The following TRAPPC11 variants were observed in gnomAD, a reference collection of about 807,000 sequenced individuals.
TRAPPC11 encodes trafficking protein particle complex subunit 11, also known as foie gras homolog.
A neutral mutation model predicts 151.2 loss-of-function variants in TRAPPC11; 104 were observed. That is an observed-to-expected ratio of 0.69 (90% CI 0.59 to 0.81). The LOEUF is 0.81. TRAPPC11 is among the 30% of genes least tolerant of loss of function. The probability of loss-of-function intolerance (pLI) is 0.00; values close to 1 mark genes in which losing one functional copy is unlikely to be tolerated. For missense variants in TRAPPC11, 1,230 were observed against 1,349.6 expected (o/e 0.91, Z 1.39); for synonymous variants, 456 against 472.3 (o/e 0.97, Z 0.45).
chr4:183,672,050 C>A (rs996124173), intron 5 of TRAPPC11, among the ~76,000 whole-genome samples: 2 of 152,150 alleles, frequency 1.3e-5, no homozygotes, highest in Non-Finnish European at 2.9e-5. Flanking sequence ...AGGTTCCTAC[C>A]TTCATAAAGA....
chr4:183,683,376 A>G (rs1313935009), intron 11 of TRAPPC11, among the ~76,000 whole-genome samples: 1 of 152,098 alleles, frequency 6.6e-6, no homozygotes, highest in Admixed American at 6.6e-5. Context: ...CTGTTAAATT[A>G]CTGGCTAGGC....
chr4:183,687,361 A>G (rs534251050), intron 18 of TRAPPC11, among the ~76,000 whole-genome samples: 93 of 151,554 alleles, frequency 6.1e-4, no homozygotes, highest in Non-Finnish European at 9.7e-4. Flanking sequence ...CTTTTTTGAG[A>G]CGGGGTCTCG....
intron 29 of TRAPPC11, among the ~76,000 whole-genome samples, chr4:183,710,313 G>A (rs897905255): frequency 2.7e-5 from 4 of 150,376 alleles, no homozygotes; most frequent in Non-Finnish European, 4.4e-5. Context: ...TTGAGACAGC[G>A]TCTTGCTCTG....
intron 18 of TRAPPC11, among the ~76,000 whole-genome samples, chr4:183,688,747 GTGTT>G (rs977787402): frequency 6.6e-6 from 1 of 152,042 alleles, no homozygotes; most frequent in Non-Finnish European, 1.5e-5. Flanking sequence ...GTGTGTGTGT[GTGTT>G]TGTGTGTGTT....
chr4:183,677,026 A>G (rs1735449101), intron 7 of TRAPPC11, among the ~76,000 whole-genome samples: 1 of 152,120 alleles, frequency 6.6e-6, no homozygotes, highest in Admixed American at 6.5e-5. Context: ...CAGCCTCTCA[A>G]AGTGCTGGGA....
At chr4:183,685,723 T>C (rs951740906) in intron 17 of TRAPPC11, among the ~76,000 whole-genome samples, 1 of 152,224 alleles carries the variant, frequency 6.6e-6, no homozygotes, top group African/African-American at 2.4e-5. Flanking sequence ...TTCTTTTTCA[T>C]TTAAAATCTT....
rs200994191 is a variant in TRAPPC11, at chr4:183,672,366, C to CA, written c.561-2339dup. ...GGTTGGATTTTTTTTTATTGTAGAA[C>CA]AAAAAAAACTGAAGGTCTCTTTCCT... On this transcript the variant is annotated intron_variant, in intron 5 of 29. Transcript: ENST00000334690. 4.8e-3 allele frequency among the ~76,000 whole-genome samples: 725 copies of CA among 151,420 alleles called. 5 individuals are homozygous for CA. The highest frequency in any genetic ancestry group is 0.016 in the African/African-American group (677 of 41,276).
chr4:183,701,856 T>A lies in TRAPPC11; in HGVS notation c.2963+48T>A, dbSNP rs557348495. 7.5e-6 allele frequency: 9 copies of A among 1,197,756 alleles called. No homozygotes were observed. The South Asian group carries it at 1.1e-4, about 15-fold the overall frequency. The allele number at this position is 1,197,756 out of a possible 1,614,324, so 74.2% of individuals were successfully genotyped here. A position where few individuals can be genotyped will look rare whatever the true frequency, so the allele number is the denominator to read the frequency against. On this transcript the variant is annotated intron_variant, in intron 26 of 29. Transcript: ENST00000334690. ...CTTTTCTTCAATGTCTCTGTTATTC[T>A]CATACCTTTATTATTCATCTTTGTC...
Position 183,697,736 on chromosome 4 carries a change from T to A in TRAPPC11, c.2752T>A (p.Leu918Ile), listed in dbSNP as rs766853053. ...DIPFLLMTDL[L>I]SASPWALTIV... Reference sequence around the variant, plus strand: ...CCCCTTTCTGTTGATGACGGACCTCTTAAGTGCCTCACCCTGGGCCCTCAC... The same window carrying A: ...CCCCTTTCTGTTGATGACGGACCTCATAAGTGCCTCACCCTGGGCCCTCAC... Residue 918 changes from leucine to isoleucine, a missense_variant, in exon 25 of 30, where the codon TTA becomes ATA. Transcript: ENST00000334690. 20 of 1,614,230 alleles carry A rather than the reference T, an allele frequency of 1.2e-5. No homozygotes were observed. The highest frequency in any genetic ancestry group is 1.4e-5 in the Non-Finnish European group (16 of 1,180,056).
rs1736627559 is a variant in TRAPPC11, at chr4:183,697,946, A to G, written c.2851+111A>G. 3.0e-6 allele frequency: 3 copies of G among 1,000,906 alleles called. No homozygotes were observed. In the South Asian group the frequency reaches 5.5e-5, roughly 18 times the overall value. 62.0% of individuals were successfully genotyped at this position (1,000,906 alleles called of 1,614,324 possible). ...AATTAGCTTTTTGCTAAGTGAGGGA[A>G]CTTGAGACCTGCACTCGTGAAAGCA... On this transcript the variant is annotated intron_variant, in intron 25 of 29. Transcript: ENST00000334690.
rs140175611 is a variant in TRAPPC11, at chr4:183,711,408, A to G, written c.3358-1192A>G. ...TCCATACTTTTCTTCCTTTGAATAA[A>G]AGGCTTTGGTTTTCTAATTGTATGA... On this transcript the variant is annotated intron_variant, in intron 29 of 29. Transcript: ENST00000334690. Among the ~76,000 whole-genome samples the G allele has an allele frequency of 3.9e-4, 60 of 152,322 alleles. No homozygotes were observed. In the Middle Eastern group the frequency reaches 0.01, roughly 26 times the overall value.
intron 28 of TRAPPC11, among the ~76,000 whole-genome samples, 159 bp downstream of exon 28, chr4:183,707,099 A>G (rs1429715299): frequency 6.6e-6 from 1 of 152,186 alleles, no homozygotes; most frequent in African/African-American, 2.4e-5. Flanking sequence ...ACAGCTGCCT[A>G]TAAAGGTGGG....
chr4:183,675,613 A>C (rs1339198960), intron 7 of TRAPPC11: 1 of 153,822 alleles, frequency 6.5e-6, no homozygotes, highest in Non-Finnish European at 1.4e-5. Context: ...ATAAATTTTT[A>C]AATGTGCCTC....
chr4:183,678,398 A>C (rs58186471), intron 8 of TRAPPC11, among the ~76,000 whole-genome samples: 20 of 152,304 alleles, frequency 1.3e-4, no homozygotes, highest in African/African-American at 4.8e-4. Flanking sequence ...GTATGGCCAA[A>C]TAGATACTTT....
chr4:183,692,631 T>C (rs1401296875), intron 19 of TRAPPC11, among the ~76,000 whole-genome samples: 4 of 152,204 alleles, frequency 2.6e-5, no homozygotes, highest in African/African-American at 9.6e-5. Context: ...ACAATACTTA[T>C]TTCATTCAGC....
intron 2 of TRAPPC11, among the ~76,000 whole-genome samples, chr4:183,665,586 T>C (rs1467379278): frequency 6.6e-6 from 1 of 152,224 alleles, no homozygotes; most frequent in Non-Finnish European, 1.5e-5. Context: ...AGGTAGACAT[T>C]GGATCACCAT....
In TRAPPC11 at chr4:183,691,375, T is replaced by A; in HGVS notation, c.1953T>A (p.Asn651Lys). Residue 651 changes from asparagine (N) to lysine (K), a missense_variant, in exon 19 of 30, where the codon AAT becomes AAA. Transcript: ENST00000334690. ...CCAAAGCAAATGAAGTTTTAGAAAA[T>A]CTGACTCAAGGAAAGATGTGCCTAG... ...EASKANEVLE[N>K]LTQGKMCLVP... 6.4e-7 allele frequency: 1 copy of A among 1,558,592 alleles called. No individual in the cohort carries two copies. Among genetic ancestry groups the A allele is most frequent in the Non-Finnish European group, 8.7e-7 (1 of 1,145,328 alleles).
chr4:183,676,974 A>C (rs1335464584), intron 7 of TRAPPC11, among the ~76,000 whole-genome samples: 1 of 152,152 alleles, frequency 6.6e-6, no homozygotes, highest in Admixed American at 6.5e-5. Flanking sequence ...CCTGTTGGCC[A>C]GGCTGATCTG....
Position 183,675,187 on chromosome 4 carries a change from C to CA in TRAPPC11, c.688dup (p.Ile230AsnfsTer6). ...AGCTTTTATTTGTTAGGCATCAGTT[C>CA]AAAATAGCTTTCTTCAGTGAGTTGA... On this transcript the variant is annotated frameshift_variant, in exon 7 of 30. Coordinates refer to ENST00000334690, the MANE Select transcript of TRAPPC11 (RefSeq NM_021942.6). LOFTEE classifies it high-confidence loss of function. 1 of 1,534,836 alleles carries CA rather than the reference C, an allele frequency of 6.5e-7. No individual in the cohort carries two copies. The highest frequency in any genetic ancestry group is 1.3e-5 in the South Asian group (1 of 74,810).
Sources: gnomAD v4.1 joint callset for allele counts (sites outside exome capture counted in the v4.1 genomes callset) on GRCh38, gnomAD v4.1.1 for gene constraint, MANE v1.5 for transcripts, NCBI Gene and HGNC (gene_info 2026-07-23, HGNC 2026-07-21) for gene names.